LUZP2: variants seen among roughly 807,000 people sequenced by gnomAD.
LUZP2 encodes the protein leucine zipper protein 2.
LUZP2 carries 52 observed loss-of-function variants against 51.6 expected under a neutral mutation model. The observed-to-expected ratio is 1.01, with a 90% confidence interval of 0.81 to 1.27. The LOEUF is 1.27. Among genes scored for constraint, LUZP2 ranks in the 50% most tolerant of loss-of-function variants. The pLI is 0.00. For missense variants in LUZP2, 436 were observed against 395.4 expected (o/e 1.10, Z -0.87); for synonymous variants, 154 against 137.3 (o/e 1.12, Z -0.85).
chr11:25,034,289 G>C (rs1857784823), intron 9 of LUZP2, among the ~76,000 whole-genome samples: 1 of 151,884 alleles, frequency 6.6e-6, no homozygotes, highest in South Asian at 2.1e-4. Flanking sequence ...TTTTTTGCCT[G>C]TTGATTTAAT....
chr11:24,973,704 A>C (rs146624235), intron 7 of LUZP2, among the ~76,000 whole-genome samples: 1 of 152,258 alleles, frequency 6.6e-6, no homozygotes, highest in East Asian at 1.9e-4. Flanking sequence ...GAAGTCATTC[A>C]GCAGCAGGTT....
chr11:24,591,456 A>G, intron 1 of LUZP2, among the ~76,000 whole-genome samples: 1 of 152,302 alleles, frequency 6.6e-6, no homozygotes, highest in East Asian at 1.9e-4. Flanking sequence ...TTCTGAAGTT[A>G]TGATATCATA....
intron 1 of LUZP2, among the ~76,000 whole-genome samples, chr11:24,570,571 G>C (rs1011067365): frequency 6.6e-6 from 1 of 151,836 alleles, no homozygotes; most frequent in Non-Finnish European, 1.5e-5. Flanking sequence ...CAACACACTG[G>C]GGCATGTCCA....
At chr11:24,726,033 C>T (rs573497924) in intron 1 of LUZP2, among the ~76,000 whole-genome samples, 1 of 152,178 alleles carries the variant, frequency 6.6e-6, no homozygotes, top group South Asian at 2.1e-4. Context: ...GATTTCTAGC[C>T]TCCAGAATTG....
chr11:24,502,445 T>A (rs1850024608), intron 1 of LUZP2, among the ~76,000 whole-genome samples: 2 of 152,056 alleles, frequency 1.3e-5, no homozygotes, highest in Admixed American at 1.3e-4. Flanking sequence ...AGTGTAGTGG[T>A]GCCATCTCGG....
At chr11:24,943,594 A>T (rs1854817470) in intron 7 of LUZP2, among the ~76,000 whole-genome samples, 1 of 152,094 alleles carries the variant, frequency 6.6e-6, no homozygotes, top group Non-Finnish European at 1.5e-5. Context: ...TAAAATATTC[A>T]TGGCTGGTCA....
chr11:24,565,588 C>T (rs1426049614), intron 1 of LUZP2, among the ~76,000 whole-genome samples: 1 of 152,108 alleles, frequency 6.6e-6, no homozygotes, highest in African/African-American at 2.4e-5. Flanking sequence ...GTAATAAAAT[C>T]TAGCTTTACT....
rs533783028 is a variant in LUZP2, at chr11:24,619,139, C to A, written c.63-110030C>A. Among the ~76,000 whole-genome samples the A allele has an allele frequency of 1.3e-4, 20 of 152,176 alleles. 1 individual carries two copies. The South Asian group carries it at 3.9e-3, about 30-fold the overall frequency. ...AAACTCCTGGGCTCAGGCTATCCCC[C>A]TGCTTCAGCTTCCTGAGTAGCTGAG... On this transcript the variant is annotated intron_variant, in intron 1 of 11. Coordinates refer to ENST00000336930, the MANE Select transcript of LUZP2 (RefSeq NM_001009909.4).
chr11:25,070,557 C>G (rs910125016), intron 10 of LUZP2, among the ~76,000 whole-genome samples: 1 of 151,886 alleles, frequency 6.6e-6, no homozygotes, highest in Non-Finnish European at 1.5e-5. Flanking sequence ...ATAAGGTTTG[C>G]ACACCAGTGG....
At chr11:24,555,340 A>AT in intron 1 of LUZP2, among the ~76,000 whole-genome samples, 1 of 152,318 alleles carries the variant, frequency 6.6e-6, no homozygotes, top group Middle Eastern at 3.4e-3. Context: ...AAGGGTTATC[A>AT]TGGAGTAAAT....
chr11:24,740,480 C>G (rs974574011), intron 4 of LUZP2, among the ~76,000 whole-genome samples: 4 of 152,058 alleles, frequency 2.6e-5, no homozygotes, highest in African/African-American at 9.7e-5. Context: ...CTTCACTAAA[C>G]CAGAAACTTC....
chr11:24,914,873 A>C (rs1853746983), intron 7 of LUZP2, among the ~76,000 whole-genome samples: 1 of 152,100 alleles, frequency 6.6e-6, no homozygotes, highest in South Asian at 2.1e-4. Flanking sequence ...GAATCTTTTA[A>C]ATTTATTTTT....
chr11:24,628,605 C>T (rs895305729), intron 1 of LUZP2, among the ~76,000 whole-genome samples: 8 of 152,130 alleles, frequency 5.3e-5, no homozygotes, highest in African/African-American at 1.4e-4. Context: ...CTCTCCCAGG[C>T]TGGAGTGCAG....
intron 1 of LUZP2, among the ~76,000 whole-genome samples, chr11:24,601,896 GTATATATGTATATATGTATATATGTA>G (rs1565019617): frequency 1.2e-4 from 5 of 40,230 alleles, no homozygotes; most frequent in African/African-American, 5.1e-4. Flanking sequence ...ATGTATATAT[GTATATATGTATATATGTATATATGTA>G]TATATATGTA....
intron 1 of LUZP2, among the ~76,000 whole-genome samples, chr11:24,726,233 T>C (rs1858470144): frequency 6.6e-6 from 1 of 152,042 alleles, no homozygotes; most frequent in Non-Finnish European, 1.5e-5. Flanking sequence ...AAATACAAAT[T>C]ACATCAGAAA....
At chr11:24,509,394 T>C (rs1850236535) in intron 1 of LUZP2, among the ~76,000 whole-genome samples, 2 of 151,410 alleles carry the variant, frequency 1.3e-5, no homozygotes, top group African/African-American at 2.4e-5. Context: ...GCCTCGAAAT[T>C]TGTATCTAAA....
chr11:24,981,288 A>T (rs926166381), intron 8 of LUZP2, among the ~76,000 whole-genome samples: 2 of 151,758 alleles, frequency 1.3e-5, no homozygotes, highest in African/African-American at 4.8e-5. Flanking sequence ...CCCCATTTTT[A>T]GACCATATAG....
chr11:24,597,138 A>G (rs1853468887), intron 1 of LUZP2, among the ~76,000 whole-genome samples: 1 of 152,226 alleles, frequency 6.6e-6, no homozygotes, highest in Non-Finnish European at 1.5e-5. Context: ...AATTAAGGGC[A>G]GACATAAAGT....
At chr11:24,849,517 T>A (rs1851319707) in intron 5 of LUZP2, among the ~76,000 whole-genome samples, 1 of 152,034 alleles carries the variant, frequency 6.6e-6, no homozygotes, top group Admixed American at 6.6e-5. Flanking sequence ...ATTTTCTTCA[T>A]AGTCTATCAT....
Sources: gnomAD v4.1 joint callset for allele counts (sites outside exome capture counted in the v4.1 genomes callset) on GRCh38, gnomAD v4.1.1 for gene constraint, MANE v1.5 for transcripts, NCBI Gene and HGNC (gene_info 2026-07-23, HGNC 2026-07-21) for gene names.